Variants in SLC30A6 observed in about 807,000 individuals in gnomAD.
The protein encoded by SLC30A6 is solute carrier family 30 member 6.
A neutral mutation model predicts 63.0 loss-of-function variants in SLC30A6; 55 were observed. That is an observed-to-expected ratio of 0.87 (90% CI 0.70 to 1.09). The LOEUF is 1.09. Ranked by LOEUF, SLC30A6 falls within the 50% of genes least tolerant of loss-of-function variation. SLC30A6 has a pLI of 0.00. For synonymous variants in SLC30A6, 224 were observed against 186.1 expected (o/e 1.20, Z -1.66); for missense variants, 587 against 549.2 (o/e 1.07, Z -0.69).
At chr2:32,217,301 C>T (rs1685795325) in intron 13 of SLC30A6, among the ~76,000 whole-genome samples, 1 of 152,146 alleles carries the variant, frequency 6.6e-6, no homozygotes. Flanking sequence ...GCTAGCTATC[C>T]TAGTACCATT....
At position 32,207,384 on chromosome 2, in the gene SLC30A6, CT is replaced by C. The variant is rs34462412; in HGVS notation, c.816+461del. ...TGCCACCATGCCCAGCTAACTTTTTCTTTTTTTTTTGAGACAGAGTCTTGCT... is the reference window on the plus strand; with the variant it reads ...TGCCACCATGCCCAGCTAACTTTTTCTTTTTTTTTGAGACAGAGTCTTGCT... On this transcript the variant is annotated intron_variant, in intron 12 of 13. Transcript: ENST00000282587. Among the ~76,000 whole-genome samples, 1,222 of 146,140 alleles carry C rather than the reference CT, an allele frequency of 8.4e-3. 11 individuals are homozygous for C. Among genetic ancestry groups the C allele is most frequent in the South Asian group, 0.031 (140 of 4,564 alleles).
chr2:32,173,846 C>T (rs1338663816), intron 2 of SLC30A6, among the ~76,000 whole-genome samples: 2 of 152,154 alleles, frequency 1.3e-5, no homozygotes, highest in Non-Finnish European at 2.9e-5. Context: ...TTTATTTTCT[C>T]TTGAACAACT....
rs999144066 is a variant in SLC30A6 at position 32,223,943 on chromosome 2, T to C, written c.*3230T>C. 6.6e-6 allele frequency: 1 copy of C among 152,254 alleles called. No homozygotes were observed. Among genetic ancestry groups the C allele is most frequent in the Non-Finnish European group, 1.5e-5 (1 of 68,096 alleles). The allele number at this position is 152,254 out of a possible 1,614,324, so 9.4% of individuals were successfully genotyped here. A position where few individuals can be genotyped will look rare whatever the true frequency, so the allele number is the denominator to read the frequency against. On this transcript the variant is annotated 3_prime_UTR_variant, in exon 14 of 14. Transcript: ENST00000282587. ...ACTGGAGAGGACCTGAATTTCAAGC[T>C]TCTGATTTAGCTGTTTGTAAACTTC...
At chr2:32,209,420 C>T (rs1405346763) in intron 12 of SLC30A6, 73 bp from the exon 13 acceptor site, 1 of 1,203,016 alleles carries the variant, frequency 8.3e-7, no homozygotes, top group South Asian at 1.4e-5. Context: ...TAAACTAAGT[C>T]CATAATGTGA....
intron 1 of SLC30A6, among the ~76,000 whole-genome samples, chr2:32,167,560 T>C (rs1429398173): frequency 1.3e-5 from 2 of 152,106 alleles, no homozygotes; most frequent in African/African-American, 2.4e-5. Context: ...ATAACCCTTA[T>C]ATATCCTTAA....
chr2:32,167,025 C>T (rs1292185468), intron 1 of SLC30A6, among the ~76,000 whole-genome samples: 1 of 151,846 alleles, frequency 6.6e-6, no homozygotes, highest in Non-Finnish European at 1.5e-5. Flanking sequence ...TCCTGTTTAG[C>T]ATGGCATACA....
At chr2:32,171,172 T>G (rs1031441201) in intron 1 of SLC30A6, 115 bp from the exon 2 acceptor site, 6 of 738,224 alleles carry the variant, frequency 8.1e-6, no homozygotes, top group Non-Finnish European at 1.4e-5. Context: ...TTGATGTATA[T>G]TGAGTACTTA....
In SLC30A6 at chr2:32,197,198, A is replaced by G. The variant is rs1683866653; in HGVS notation, c.497-146A>G. 13 of 673,038 alleles carry G rather than the reference A, an allele frequency of 1.9e-5. No homozygotes were observed. In the South Asian group the frequency reaches 2.5e-4, roughly 13 times the overall value. 41.7% of individuals were successfully genotyped at this position (673,038 alleles called of 1,614,324 possible). A position where few individuals can be genotyped will look rare whatever the true frequency, so the allele number is the denominator to read the frequency against. On this transcript the variant is annotated intron_variant, in intron 8 of 13. Transcript: ENST00000282587. ...GGCATAAGGGCATAAAAGAGGAAAC[A>G]TTTATAGATTTGAGGAGTAGCATGT...
chr2:32,193,804 C>T, intron 7 of SLC30A6, 85 bp from the exon 8 acceptor site: 1 of 1,043,806 alleles, frequency 9.6e-7, no homozygotes, highest in Non-Finnish European at 1.5e-6. Flanking sequence ...TACCTTCCCA[C>T]CTCTTAGTCC....
At chr2:32,205,290 G>A (rs960719468) in intron 11 of SLC30A6, among the ~76,000 whole-genome samples, 1 of 152,004 alleles carries the variant, frequency 6.6e-6, no homozygotes, top group South Asian at 2.1e-4. Flanking sequence ...GCGTGGTGGC[G>A]TGCACCTGTA....
intron 10 of SLC30A6, chr2:32,202,953 T>C: frequency 8.8e-7 from 1 of 1,142,666 alleles, no homozygotes; most frequent in African/African-American, 1.5e-5. Flanking sequence ...CCTTCAAGTC[T>C]ACAGTGGGTC....
At chr2:32,167,635 G>C (rs2148787225) in intron 1 of SLC30A6, among the ~76,000 whole-genome samples, 1 of 151,566 alleles carries the variant, frequency 6.6e-6, no homozygotes, top group South Asian at 2.1e-4. Context: ...TTTGTGCTCT[G>C]GTGGTACCTT....
At chr2:32,200,082 A>G (rs886584031) in intron 10 of SLC30A6, among the ~76,000 whole-genome samples, 2 of 152,128 alleles carry the variant, frequency 1.3e-5, no homozygotes, top group African/African-American at 2.4e-5. Flanking sequence ...ATATATACAC[A>G]CACACACACA....
At chr2:32,199,192 C>T (rs1684052540) in intron 10 of SLC30A6, among the ~76,000 whole-genome samples, 1 of 152,300 alleles carries the variant, frequency 6.6e-6, no homozygotes. Context: ...TGCTGAATCA[C>T]ATTTTCCAAT....
Position 32,220,818 on chromosome 2 carries a change from A to G in SLC30A6, c.*105A>G. On this transcript the variant is annotated 3_prime_UTR_variant, in exon 14 of 14. Coordinates refer to ENST00000282587, the MANE Select transcript of SLC30A6 (RefSeq NM_017964.5). ...TTTAATCATTTACTCTAAATGTTAGATAATAGTAGTCTTGTTCACATTTCA... is the reference window on the plus strand; with the variant it reads ...TTTAATCATTTACTCTAAATGTTAGGTAATAGTAGTCTTGTTCACATTTCA... The G allele has an allele frequency of 4.0e-6, 4 of 1,009,874 alleles. 1 individual carries two copies. In the Middle Eastern group the frequency reaches 9.0e-4, roughly 226 times the overall value. The allele number at this position is 1,009,874 out of a possible 1,614,324, so 62.6% of individuals were successfully genotyped here.
chr2:32,185,222 A>G (rs1370526302), intron 5 of SLC30A6, among the ~76,000 whole-genome samples: 1 of 152,130 alleles, frequency 6.6e-6, no homozygotes, highest in Admixed American at 6.6e-5. Context: ...TTAGCTGCAC[A>G]TGGTGGTGTA....
intron 8 of SLC30A6, among the ~76,000 whole-genome samples, chr2:32,196,926 G>A (rs1386265068): frequency 6.6e-6 from 1 of 152,162 alleles, no homozygotes; most frequent in Non-Finnish European, 1.5e-5. Context: ...CAGGTGTGGT[G>A]GCACGTGCCT....
chr2:32,171,703 T>A (rs1434147762), intron 2 of SLC30A6, among the ~76,000 whole-genome samples: 1 of 152,010 alleles, frequency 6.6e-6, no homozygotes, highest in Non-Finnish European at 1.5e-5. Context: ...TTTATTTTTT[T>A]TTTTTTGAGA....
rs561633008 is a variant in SLC30A6, at chr2:32,220,290, C to T, written c.963C>T (p.Tyr321=). ...TTGCTCATGTGACCAACAGGCTGTA[C>T]ACTCTAGTGTCTACTCTAACTGTTC... is the stretch of plus-strand genomic sequence containing the variant. ...MVLAHVTNRL[Y]TLVSTLTVQI... is the part of the protein sequence containing the mutation. Residue 321 remains tyrosine, a synonymous_variant, in exon 14 of 14, where the codon TAC becomes TAT. Coordinates refer to ENST00000282587, the MANE Select transcript of SLC30A6 (RefSeq NM_017964.5). 14 of 1,614,194 alleles carry T rather than the reference C, an allele frequency of 8.7e-6. No homozygotes were observed. Among genetic ancestry groups the T allele is most frequent in the South Asian group, 3.3e-5 (3 of 91,086 alleles).
Sources: allele counts gnomAD v4.1 joint callset (sites outside exome capture counted in the v4.1 genomes callset), GRCh38; gene constraint gnomAD v4.1.1; transcripts MANE v1.5; gene names NCBI Gene and HGNC (gene_info 2026-07-23, HGNC 2026-07-21).